LPL: variants seen among roughly 807,000 people sequenced by gnomAD.
LPL encodes phospholipase A1.
In LPL, 43 loss-of-function variants were observed where a neutral mutation model predicts 52.2. The ratio of observed to expected loss-of-function variants is 0.82; its 90% CI spans 0.64 to 1.06. LPL has a LOEUF of 1.06. LPL is among the 50% of genes least tolerant of loss of function. The pLI, the probability that LPL is intolerant of heterozygous loss-of-function variation, is 0.00. For synonymous variants in LPL, 244 were observed against 215.6 expected (o/e 1.13, Z -1.15); for missense variants, 639 against 585.3 (o/e 1.09, Z -0.95).
rs2070097506 is a variant in LPL at position 19,967,208 on chromosome 8, G to A, written c.*1898G>A. The A allele has an allele frequency of 6.6e-6, 1 of 152,592 alleles. No homozygotes were observed. Among genetic ancestry groups the A allele is most frequent in the African/African-American group, 2.4e-5 (1 of 41,422 alleles). The allele number at this position is 152,592 out of a possible 1,614,324, so 9.5% of individuals were successfully genotyped here. Reference sequence around the variant, plus strand: ...ACAAGAAAGAAACGTACTTAACTGTGTGAAGAAATGGAATCAGCTTTTAAT... The same window carrying A: ...ACAAGAAAGAAACGTACTTAACTGTATGAAGAAATGGAATCAGCTTTTAAT... On this transcript the variant is annotated 3_prime_UTR_variant, in exon 10 of 10. Transcript: ENST00000650287.
In LPL at chr8:19,950,013, C is replaced by T. The variant is rs955330404; in HGVS notation, c.249+1673C>T. On this transcript the variant is annotated intron_variant, in intron 2 of 9. Transcript: ENST00000650287. The surrounding 1 kb of genome is among the most constrained non-coding windows in gnomAD (Gnocchi z 4.2). Reference sequence around the variant, plus strand: ...CCAACCCAATATCAACAGACGGTGCCACTTCCTATCATTGGTCCTACTGCC... The same window carrying T: ...CCAACCCAATATCAACAGACGGTGCTACTTCCTATCATTGGTCCTACTGCC... Among the ~76,000 whole-genome samples, 1 of 152,152 alleles carries T rather than the reference C, an allele frequency of 6.6e-6. No homozygotes were observed. Among genetic ancestry groups the T allele is most frequent in the Admixed American group, 6.5e-5 (1 of 15,272 alleles).
chr8:19,952,642 A>T (rs2069945926), intron 3 of LPL, among the ~76,000 whole-genome samples: 1 of 152,238 alleles, frequency 6.6e-6, no homozygotes, highest in South Asian at 2.1e-4. Flanking sequence ...TGATCATAAA[A>T]GACAAAAGTT....
chr8:19,956,017 A>C lies in LPL; in HGVS notation c.952A>C (p.Asn318His). ...CTGCAACAATCTGGGCTATGAGATCAATAAAGTCAGAGCCAAAAGAAGCAG... is the reference window on the plus strand; with the variant it reads ...CTGCAACAATCTGGGCTATGAGATCCATAAAGTCAGAGCCAAAAGAAGCAG... Reference protein sequence around the residue: ...NRCNNLGYEINKVRAKRSSKM... With the variant: ...NRCNNLGYEIHKVRAKRSSKM... The change falls in exon 6 of 10, where the codon AAT becomes CAT. Residue 318 changes from asparagine to histidine, a missense_variant. By Grantham distance (68) the Asn-to-His change is moderately conservative. Coordinates refer to ENST00000650287, the MANE Select transcript of LPL (RefSeq NM_000237.3). 1.2e-6 allele frequency: 2 copies of C among 1,614,232 alleles called. No individual in the cohort carries two copies. The highest frequency in any genetic ancestry group is 1.7e-6 in the Non-Finnish European group (2 of 1,180,040).
At chr8:19,965,023 A>G (rs2070073419) in intron 9 of LPL, among the ~76,000 whole-genome samples, 1 of 152,200 alleles carries the variant, frequency 6.6e-6, no homozygotes, top group Non-Finnish European at 1.5e-5. Context: ...CGTTTGATAC[A>G]TTTTAGAATA....
chr8:19,948,766 G>A (rs965531051), intron 2 of LPL, among the ~76,000 whole-genome samples: 1 of 152,088 alleles, frequency 6.6e-6, no homozygotes, highest in Admixed American at 6.6e-5. Context: ...GAAGTGTGGC[G>A]TCCATGCTGG....
rs576116583 is a variant in LPL, at chr8:19,967,244, A to G, written c.*1934A>G. 3 of 152,740 alleles carry G rather than the reference A, an allele frequency of 2.0e-5. No homozygotes were observed. Among genetic ancestry groups the G allele is most frequent in the Non-Finnish European group, 4.4e-5 (3 of 68,032 alleles). The allele number at this position is 152,740 out of a possible 1,614,324, so 9.5% of individuals were successfully genotyped here. ...GAATCAGCTTTTAATAAAATTGACA[A>G]CATTTTATTACCACACTAAGTCATT... is the stretch of plus-strand genomic sequence containing the variant. On this transcript the variant is annotated 3_prime_UTR_variant, in exon 10 of 10. Coordinates refer to ENST00000650287, the MANE Select transcript of LPL (RefSeq NM_000237.3).
intron 2 of LPL, 120 bp downstream of exon 2, chr8:19,948,460 A>T: frequency 2.6e-6 from 3 of 1,173,572 alleles, no homozygotes; most frequent in Non-Finnish European, 3.6e-6. Flanking sequence ...ATCTCCTTAC[A>T]CTTGAATAAA....
chr8:19,948,142 C>T (rs764235923), intron 1 of LPL, 38 bp from the exon 2 acceptor site: 25 of 1,596,896 alleles, frequency 1.6e-5, no homozygotes, highest in Non-Finnish European at 2.1e-5. Context: ...AATCAAGCAA[C>T]CCTCCAGTTA....
intron 3 of LPL, among the ~76,000 whole-genome samples, chr8:19,952,309 T>C (rs2069941727): frequency 6.6e-6 from 1 of 152,224 alleles, no homozygotes; most frequent in South Asian, 2.1e-4. Context: ...GGACATCTTA[T>C]CCTCACCTTG....
intron 7 of LPL, among the ~76,000 whole-genome samples, chr8:19,959,842 G>A (rs1020967498): frequency 4.6e-5 from 6 of 129,550 alleles, no homozygotes; most frequent in Admixed American, 1.8e-4. Flanking sequence ...AGGCTGGAGT[G>A]CAGTGATTCG....
chr8:19,961,174 G>A, intron 8 of LPL, 91 bp downstream of exon 8: 1 of 1,116,282 alleles, frequency 9.0e-7, no homozygotes, highest in Non-Finnish European at 1.3e-6. Context: ...ACAATTCAGG[G>A]AGAGCTTTAG....
chr8:19,949,405 A>T (rs2069912787), intron 2 of LPL, among the ~76,000 whole-genome samples: 1 of 152,226 alleles, frequency 6.6e-6, no homozygotes, highest in African/African-American at 2.4e-5. Flanking sequence ...TAACATAGTA[A>T]ATTCAATATT....
intron 1 of LPL, among the ~76,000 whole-genome samples, chr8:19,943,000 G>C (rs1224287198): frequency 6.6e-6 from 1 of 152,126 alleles, no homozygotes; most frequent in African/African-American, 2.4e-5. Flanking sequence ...TTGACTGTTT[G>C]AATGAATAAA....
intron 5 of LPL, among the ~76,000 whole-genome samples, chr8:19,954,738 TA>T (rs1290537628): frequency 6.6e-6 from 1 of 152,252 alleles, no homozygotes; most frequent in South Asian, 2.1e-4. Context: ...AGATGTTAAT[TA>T]GGATAAATCT....
In LPL at chr8:19,951,891, C is replaced by G. The variant is rs762600466; in HGVS notation, c.372C>G (p.Ser124=). The change falls in exon 3 of 10, where the codon TCC becomes TCG. Residue 124 remains serine, a synonymous_variant. Coordinates refer to ENST00000650287, the MANE Select transcript of LPL (RefSeq NM_000237.3). ...LSRAQEHYPV[S]AGYTKLVGQD... Reference sequence around the variant, plus strand: ...GGGCTCAGGAGCATTACCCAGTGTCCGCGGGCTACACCAAACTGGTGGGAC... The same window carrying G: ...GGGCTCAGGAGCATTACCCAGTGTCGGCGGGCTACACCAAACTGGTGGGAC... The G allele has an allele frequency of 6.2e-7, 1 of 1,614,080 alleles. No individual in the cohort carries two copies. The highest frequency in any genetic ancestry group is 8.5e-7 in the Non-Finnish European group (1 of 1,180,034).
intron 9 of LPL, among the ~76,000 whole-genome samples, chr8:19,963,414 C>T (rs553447797): frequency 1.5e-5 from 2 of 131,262 alleles, no homozygotes; most frequent in East Asian, 2.1e-4. Context: ...CCAGCCTGGG[C>T]AACAGAGAAA....
intron 6 of LPL, among the ~76,000 whole-genome samples, chr8:19,958,319 G>A (rs1249991343): frequency 6.6e-6 from 1 of 152,090 alleles, no homozygotes; most frequent in Non-Finnish European, 1.5e-5. Context: ...ACCATGCCTG[G>A]CCTCCAAGAA....
At chr8:19,959,765 A>G (rs1447741725) in intron 7 of LPL, among the ~76,000 whole-genome samples, 3 of 144,542 alleles carry the variant, frequency 2.1e-5, no homozygotes, top group Non-Finnish European at 4.5e-5. Context: ...AGTCCATGAC[A>G]AAGTGTTAGC....
intron 2 of LPL, among the ~76,000 whole-genome samples, chr8:19,951,001 T>C (rs992399823): frequency 1.4e-4 from 22 of 152,050 alleles, no homozygotes; most frequent in Admixed American, 9.8e-4. Context: ...AAACTTCTGA[T>C]AGAGGCCTAG....
Sources: allele counts gnomAD v4.1 joint callset (sites outside exome capture counted in the v4.1 genomes callset), GRCh38; gene constraint gnomAD v4.1.1; non-coding constraint Gnocchi (gnomAD v3.1); transcripts MANE v1.5; gene names NCBI Gene and HGNC (gene_info 2026-07-23, HGNC 2026-07-21).